Variants in ASTN1 observed in about 807,000 individuals in gnomAD.
ASTN1 encodes the protein astrotactin 1, also known as astrotactin-1.
ASTN1 carries 41 observed loss-of-function variants against 140.7 expected under a neutral mutation model. The observed-to-expected ratio is 0.29, with a 90% CI of 0.23 to 0.38. ASTN1 has a LOEUF of 0.38. Ranked by LOEUF, ASTN1 falls within the 10% of genes least tolerant of loss-of-function variation. The probability of loss-of-function intolerance (pLI) is 1.00; values close to 1 mark genes in which losing one functional copy is unlikely to be tolerated. For missense variants in ASTN1, 1,479 were observed against 1,678.8 expected (o/e 0.88, Z 2.08); for synonymous variants, 640 against 652.2 (o/e 0.98, Z 0.29).
At chr1:177,072,388 A>T (rs1678685311) in intron 1 of ASTN1, among the ~76,000 whole-genome samples, 1 of 152,146 alleles carries the variant, frequency 6.6e-6, no homozygotes, top group South Asian at 2.1e-4. Context: ...TTACTGGTCT[A>T]AAGACTCTCC....
At chr1:176,871,460 G>C (rs1309097786) in intron 21 of ASTN1, among the ~76,000 whole-genome samples, 1 of 152,178 alleles carries the variant, frequency 6.6e-6, no homozygotes, top group Non-Finnish European at 1.5e-5. Flanking sequence ...CTTTGCGGAG[G>C]AGCAGTGATG....
intron 1 of ASTN1, among the ~76,000 whole-genome samples, chr1:177,090,489 G>T (rs1458405035): frequency 6.6e-6 from 1 of 152,056 alleles, no homozygotes; most frequent in Non-Finnish European, 1.5e-5. Context: ...AGTGTCTAAT[G>T]GATAAATAAA....
chr1:177,122,893 A>G (rs1237183650), intron 1 of ASTN1, among the ~76,000 whole-genome samples: 1 of 152,206 alleles, frequency 6.6e-6, no homozygotes, highest in Non-Finnish European at 1.5e-5. Context: ...AGCTAGGATC[A>G]GAACAACAAA....
At chr1:177,046,973 C>T (rs1677262310) in intron 2 of ASTN1, among the ~76,000 whole-genome samples, 1 of 152,212 alleles carries the variant, frequency 6.6e-6, no homozygotes, top group Non-Finnish European at 1.5e-5. Context: ...TCCATATTAT[C>T]AGACTTGCTC....
chr1:177,014,571 C>G (rs1250589825), intron 8 of ASTN1, among the ~76,000 whole-genome samples: 2 of 152,174 alleles, frequency 1.3e-5, no homozygotes, highest in African/African-American at 2.4e-5. Context: ...CTGGAAGCTG[C>G]AGGGCTGCGA....
At chr1:177,011,845 G>T (rs1675311887) in intron 8 of ASTN1, among the ~76,000 whole-genome samples, 1 of 152,060 alleles carries the variant, frequency 6.6e-6, no homozygotes, top group Admixed American at 6.6e-5. Flanking sequence ...AAATCAATTT[G>T]TAACTTCTTA....
At chr1:177,129,972 T>G (rs957288220) in intron 1 of ASTN1, among the ~76,000 whole-genome samples, 50 of 151,576 alleles carry the variant, frequency 3.3e-4, no homozygotes, top group African/African-American at 1.1e-3. Context: ...CTCAAAAAAA[T>G]AAAAAAGAAA....
At chr1:176,868,681 A>G (rs12025402) in intron 22 of ASTN1, 163 bp downstream of exon 22, 240,999 of 674,302 alleles carry the variant, frequency 0.36, 46,969 homozygotes, top group East Asian at 0.71. Flanking sequence ...CTTATCCAAA[A>G]CTAATCTGCA....
intron 8 of ASTN1, among the ~76,000 whole-genome samples, chr1:177,002,992 G>A (rs374972166): frequency 6.6e-6 from 1 of 150,846 alleles, no homozygotes; most frequent in South Asian, 2.1e-4. Context: ...AGGCCAAAAC[G>A]AACAAACAAA....
chr1:177,147,721 T>C (rs994034454), intron 1 of ASTN1, among the ~76,000 whole-genome samples: 2 of 152,202 alleles, frequency 1.3e-5, no homozygotes, highest in Admixed American at 1.3e-4. Flanking sequence ...GCTCCAGGAA[T>C]GGACTCTGAT....
At chr1:177,087,192 G>C (rs1408434760) in intron 1 of ASTN1, among the ~76,000 whole-genome samples, 1 of 152,126 alleles carries the variant, frequency 6.6e-6, no homozygotes, top group African/African-American at 2.4e-5. Context: ...AATTTGCAAA[G>C]ATCCTGATCT....
chr1:176,901,617 C>A (rs1669769832), intron 16 of ASTN1, among the ~76,000 whole-genome samples: 1 of 152,158 alleles, frequency 6.6e-6, no homozygotes, highest in South Asian at 2.1e-4. Flanking sequence ...AAGAGAGTGC[C>A]AATCTGAACC....
intron 1 of ASTN1, among the ~76,000 whole-genome samples, chr1:177,083,762 GGTA>G (rs1679289666): frequency 6.6e-6 from 1 of 152,110 alleles, no homozygotes; most frequent in South Asian, 2.1e-4. Context: ...TACTCTCAGT[GGTA>G]ACCACCTGGG....
At chr1:176,868,798 A>C (rs1225625744) in intron 22 of ASTN1, 46 bp downstream of exon 22, 2 of 1,534,792 alleles carry the variant, frequency 1.3e-6, no homozygotes, top group South Asian at 2.6e-5. Context: ...AAGAGGTACA[A>C]AATTTCAAGA....
chr1:177,086,288 A>AC (rs1344096686), intron 1 of ASTN1, among the ~76,000 whole-genome samples: 1 of 150,230 alleles, frequency 6.7e-6, no homozygotes, highest in Non-Finnish European at 1.5e-5. Flanking sequence ...TCCATTTAAA[A>AC]AACTCCTTTT....
chr1:176,955,672 A>C (rs747805622), intron 11 of ASTN1, among the ~76,000 whole-genome samples: 1 of 152,250 alleles, frequency 6.6e-6, no homozygotes. Flanking sequence ...CAGTGTTAAA[A>C]GTACAAAAAT....
intron 1 of ASTN1, among the ~76,000 whole-genome samples, chr1:177,100,090 T>A (rs553312491): frequency 6.6e-6 from 1 of 152,230 alleles, no homozygotes; most frequent in African/African-American, 2.4e-5. Flanking sequence ...AGGCACCTAA[T>A]TCCAATTCTA....
At chr1:176,936,066 G>T (rs1470629586) in intron 15 of ASTN1, 200 bp downstream of exon 15, 10 of 652,562 alleles carry the variant, frequency 1.5e-5, no homozygotes, top group Non-Finnish European at 2.8e-5. Flanking sequence ...GATAACACAT[G>T]CAATGTAATC....
chr1:177,041,580 T>C (rs983703262), intron 2 of ASTN1, among the ~76,000 whole-genome samples: 3 of 152,234 alleles, frequency 2.0e-5, no homozygotes, highest in Non-Finnish European at 4.4e-5. Flanking sequence ...TAATGCTCAA[T>C]GTCTATTCTG....
Sources: gnomAD v4.1 joint callset for allele counts (sites outside exome capture counted in the v4.1 genomes callset) on GRCh38, gnomAD v4.1.1 for gene constraint, MANE v1.5 for transcripts, NCBI Gene and HGNC (gene_info 2026-07-23, HGNC 2026-07-21) for gene names.